MAST2: variants seen among roughly 807,000 people sequenced by gnomAD.
MAST2 encodes the protein microtubule-associated serine/threonine-protein kinase 2.
Under a neutral mutation model 147.4 loss-of-function variants are expected in MAST2, and 70 were observed. The observed-to-expected ratio is 0.47, with a 90% confidence interval of 0.39 to 0.58. The LOEUF (loss-of-function observed/expected upper bound fraction) is 0.58, where lower values mean the gene tolerates loss of function less well. Among genes scored for constraint, MAST2 ranks in the 20% least tolerant of loss-of-function variants. MAST2 has a pLI of 0.00. For synonymous variants in MAST2, 869 were observed against 896.8 expected, an observed-to-expected ratio of 0.97 and a Z score of 0.55; for missense variants, 2,080 against 2,302.3, an observed-to-expected ratio of 0.90 and a Z score of 1.98.
intron 4 of MAST2, among the ~76,000 whole-genome samples, chr1:45,940,917 C>T (rs1657168047): frequency 6.6e-6 from 1 of 152,132 alleles, no homozygotes; most frequent in Non-Finnish European, 1.5e-5. Context: ...CCGCGCCTGG[C>T]CTATGAGGAT....
intron 5 of MAST2, among the ~76,000 whole-genome samples, chr1:45,967,229 A>G (rs112895998): frequency 6.6e-6 from 1 of 151,926 alleles, no homozygotes; most frequent in South Asian, 2.1e-4. Context: ...GTGTGCCACC[A>G]CACCCAACTA....
intron 4 of MAST2, among the ~76,000 whole-genome samples, chr1:45,896,394 AT>A (rs1648739839): frequency 6.6e-6 from 1 of 152,026 alleles, no homozygotes; most frequent in African/African-American, 2.4e-5. Context: ...AGATGAAGAG[AT>A]TCATAGGGTG....
At chr1:45,852,953 G>T (rs1487279027) in intron 3 of MAST2, among the ~76,000 whole-genome samples, 1 of 151,486 alleles carries the variant, frequency 6.6e-6, no homozygotes, top group African/African-American at 2.4e-5. Context: ...ATTTTTTGTT[G>T]AGATGGTATC....
At chr1:46,002,998 G>A in intron 7 of MAST2, 115 bp downstream of exon 7, 1 of 1,063,896 alleles carries the variant, frequency 9.4e-7, no homozygotes, top group Non-Finnish European at 1.4e-6. Flanking sequence ...AACTCAGAGA[G>A]GTTGCTGAGA....
intron 9 of MAST2, among the ~76,000 whole-genome samples, chr1:46,008,825 C>G (rs1319162083): frequency 6.6e-6 from 1 of 152,196 alleles, no homozygotes; most frequent in African/African-American, 2.4e-5. Flanking sequence ...TCAGAGAGTA[C>G]ACAGACAGAA....
chr1:45,906,784 G>A (rs1650822711), intron 4 of MAST2, among the ~76,000 whole-genome samples: 1 of 151,938 alleles, frequency 6.6e-6, no homozygotes, highest in Admixed American at 6.6e-5. Context: ...AGACAGTAAT[G>A]TGCTAGATCT....
rs545274852 is a variant in MAST2, at chr1:45,934,312, G to A, written c.501-25074G>A. 4.6e-5 allele frequency among the ~76,000 whole-genome samples: 7 copies of A among 152,262 alleles called. No individual in the cohort carries two copies. In the East Asian group the frequency reaches 5.8e-4, roughly 13 times the overall value. On this transcript the variant is annotated intron_variant, in intron 4 of 28. Transcript: ENST00000361297. ...ACCCTAGCTAACACGGTGAAACCCCGTCTCTACTAAAAATTACAAAAAAAT... is the reference window on the plus strand; with the variant it reads ...ACCCTAGCTAACACGGTGAAACCCCATCTCTACTAAAAATTACAAAAAAAT...
Position 46,028,854 on chromosome 1 carries a change from T to TA in MAST2, c.2140dup (p.Ile714AsnfsTer4). ...CAGTGGACTGGTGGGCCATGGGCATTATCCTGTATGAGTTCCTGGTGGGCT... is the reference window on the plus strand; with the variant it reads ...CAGTGGACTGGTGGGCCATGGGCATTAATCCTGTATGAGTTCCTGGTGGGCT... On this transcript the variant is annotated frameshift_variant, in exon 18 of 29. Coordinates refer to ENST00000361297, the MANE Select transcript of MAST2 (RefSeq NM_015112.3). LOFTEE classifies it high-confidence loss of function. 6.2e-7 allele frequency: 1 copy of TA among 1,613,764 alleles called. No homozygotes were observed. Among genetic ancestry groups the TA allele is most frequent in the Non-Finnish European group, 8.5e-7 (1 of 1,179,938 alleles).
rs1646894783 is a variant in MAST2 at position 46,036,071 on chromosome 1, T to TTTAAA, written c.*5_*6insTTAAA. 1 of 1,594,404 alleles carries TTTAAA rather than the reference T, an allele frequency of 6.3e-7. No homozygotes were observed. The highest frequency in any genetic ancestry group is 8.5e-7 in the Non-Finnish European group (1 of 1,170,050). On this transcript the variant is annotated 3_prime_UTR_variant, in exon 29 of 29. Coordinates refer to ENST00000361297, the MANE Select transcript of MAST2 (RefSeq NM_015112.3). ...GAGCTTTTAAAGCAAACATAGCAGT[T>TTTAAA]GTTTGCCATTTCTTGCACTCAGACC...
At chr1:45,862,486 G>A (rs1197526953) in intron 3 of MAST2, among the ~76,000 whole-genome samples, 4 of 106,028 alleles carry the variant, frequency 3.8e-5, no homozygotes, top group African/African-American at 1.5e-4. Context: ...GAGGACTGAA[G>A]ATTTTTTTTT....
intron 3 of MAST2, among the ~76,000 whole-genome samples, chr1:45,852,984 G>T (rs1303117768): frequency 6.6e-6 from 1 of 152,068 alleles, no homozygotes; most frequent in East Asian, 1.9e-4. Context: ...AGGCTGGAGT[G>T]CAGTGGCATG....
At position 46,033,829 on chromosome 1, in the gene MAST2, A is replaced by G. The variant is rs778279308; in HGVS notation, c.3565A>G (p.Thr1189Ala). Reference sequence around the variant, plus strand: ...TGGAAACAAGGTGGCCATTTCAACAACTCCCCTGGAGAACACATCCATTAA... The same window carrying G: ...TGGAAACAAGGTGGCCATTTCAACAGCTCCCCTGGAGAACACATCCATTAA... Reference protein sequence around the residue: ...KSGNKVAISTTPLENTSIKVG... With the variant: ...KSGNKVAISTAPLENTSIKVG... Residue 1189 changes from threonine to alanine, a missense_variant, in exon 27 of 29, where the codon ACT becomes GCT. Physicochemically the swap from Thr to Ala is moderately conservative, Grantham distance 58 (BLOSUM62 0). This residue lies in a region of MAST2 where 1,278 missense variants were observed against 1,304.2 expected (regional missense o/e 0.98). Transcript: ENST00000361297. 5.0e-6 allele frequency: 8 copies of G among 1,613,950 alleles called. No individual in the cohort carries two copies. The South Asian group carries it at 6.6e-5, about 13-fold the overall frequency.
At chr1:45,898,336 CCT>C (rs1217776155) in intron 4 of MAST2, among the ~76,000 whole-genome samples, 4 of 152,090 alleles carry the variant, frequency 2.6e-5, no homozygotes, top group Admixed American at 6.5e-5. Flanking sequence ...TTTATCTCCC[CCT>C]GTTTTAGACA....
chr1:46,035,615 C>A lies in MAST2; in HGVS notation c.4946C>A (p.Thr1649Asn). ...PTSSCSPPSS[T>N]SGKLSMWSWK... is the part of the protein sequence containing the mutation. ...AGCAGTTGCTCTCCTCCCAGCTCCA[C>A]CTCTGGGAAGCTGAGCATGTGGTCC... The change falls in exon 29 of 29, where the codon ACC becomes AAC. Residue 1649 changes from threonine to asparagine, a missense_variant. Thr to Asn is a moderately conservative substitution (Grantham distance 65). Coordinates refer to ENST00000361297, the MANE Select transcript of MAST2 (RefSeq NM_015112.3). This position sits in a 1 kb window ranked among gnomAD's most constrained non-coding sequence, Gnocchi z 5.5. 1 of 1,613,952 alleles carries A rather than the reference C, an allele frequency of 6.2e-7. No homozygotes were observed. Among genetic ancestry groups the A allele is most frequent in the South Asian group, 1.1e-5 (1 of 91,080 alleles).
chr1:45,814,486 A>T (rs1255321330), intron 1 of MAST2, among the ~76,000 whole-genome samples: 1 of 152,216 alleles, frequency 6.6e-6, no homozygotes, highest in East Asian at 1.9e-4. Context: ...AATTTTTTTA[A>T]TAGAAGAAAG....
chr1:45,983,880 C>T (rs1324209466), intron 5 of MAST2, among the ~76,000 whole-genome samples: 2 of 152,056 alleles, frequency 1.3e-5, no homozygotes, highest in East Asian at 1.9e-4. Flanking sequence ...CTTTTTAGGG[C>T]GAAGGTGATA....
chr1:46,032,841 A>G (rs866994914), intron 26 of MAST2, 123 bp downstream of exon 26: 8 of 1,348,012 alleles, frequency 5.9e-6, no homozygotes, highest in Middle Eastern at 2.4e-4. Flanking sequence ...GGATGTAGGT[A>G]CACACAGGCC....
chr1:45,857,462 A>C (rs1645826080), intron 3 of MAST2, among the ~76,000 whole-genome samples: 1 of 152,238 alleles, frequency 6.6e-6, no homozygotes, highest in African/African-American at 2.4e-5. Context: ...TAAGCAACAA[A>C]TGAAAAAGAA....
In MAST2 at chr1:46,034,251, G is replaced by A. The variant is rs1427036573; in HGVS notation, c.3853G>A (p.Asp1285Asn). The change falls in exon 28 of 29, where the codon GAT (aspartate) becomes AAT (asparagine). Residue 1285 changes from aspartate to asparagine, a missense_variant. By Grantham distance (23) the Asp-to-Asn change is conservative. Transcript: ENST00000361297. ...SPTQGYRVTP[D>N]AVHSVGGNSS... ...CACTCAAGGCTACCGGGTGACCCCCGATGCTGTGCATTCAGGTACGAAGGG... is the reference window on the plus strand; with the variant it reads ...CACTCAAGGCTACCGGGTGACCCCCAATGCTGTGCATTCAGGTACGAAGGG... 8.1e-6 allele frequency: 13 copies of A among 1,612,954 alleles called. No homozygotes were observed. The highest frequency in any genetic ancestry group is 1.7e-5 in the Admixed American group (1 of 59,900).
Sources: allele counts gnomAD v4.1 joint callset (sites outside exome capture counted in the v4.1 genomes callset), GRCh38; gene constraint gnomAD v4.1.1; regional missense constraint gnomAD v4.1.1; non-coding constraint Gnocchi (gnomAD v3.1); transcripts MANE v1.5; gene names NCBI Gene and HGNC (gene_info 2026-07-23, HGNC 2026-07-21).